Variants in TTLL5 observed in about 807,000 individuals in gnomAD.
TTLL5 encodes the protein tubulin tyrosine ligase like 5.
In TTLL5, 132 loss-of-function variants were observed where a neutral mutation model predicts 168.4. The ratio of observed to expected loss-of-function variants is 0.78; its 90% confidence interval spans 0.68 to 0.91. The LOEUF (loss-of-function observed/expected upper bound fraction) is 0.91, where lower values mean the gene tolerates loss of function less well. Among genes scored for constraint, TTLL5 ranks in the 40% least tolerant of loss-of-function variants. TTLL5 has a pLI of 0.00. For synonymous variants in TTLL5, 546 were observed against 558.6 expected (o/e 0.98, Z 0.32); for missense variants, 1,545 against 1,581.5 (o/e 0.98, Z 0.39).
intron 30 of TTLL5, among the ~76,000 whole-genome samples, chr14:75,895,658 T>TG (rs1218293474): frequency 3.3e-5 from 5 of 152,170 alleles, no homozygotes; most frequent in Admixed American, 3.3e-4. Flanking sequence ...ACATCAGATT[T>TG]GTGGAATAAC....
intron 27 of TTLL5, among the ~76,000 whole-genome samples, chr14:75,803,428 C>T (rs1016037754): frequency 6.6e-6 from 1 of 152,162 alleles, no homozygotes; most frequent in Non-Finnish European, 1.5e-5. Context: ...TAGCCTAAAA[C>T]ACATAAAAAT....
At chr14:75,811,440 C>G (rs536092145) in intron 27 of TTLL5, among the ~76,000 whole-genome samples, 1 of 152,186 alleles carries the variant, frequency 6.6e-6, no homozygotes, top group East Asian at 1.9e-4. Flanking sequence ...ATTTTTCTTT[C>G]CTCCTACCTA....
chr14:75,904,363 G>A (rs925480236), intron 31 of TTLL5: 1 of 679,072 alleles, frequency 1.5e-6, no homozygotes, highest in Non-Finnish European at 1.9e-6. Context: ...TACCCTATGA[G>A]AACCCCTTTG....
chr14:75,730,723 C>T (rs1446180941), intron 12 of TTLL5, among the ~76,000 whole-genome samples: 1 of 151,714 alleles, frequency 6.6e-6, no homozygotes, highest in Non-Finnish European at 1.5e-5. Flanking sequence ...CAACTAAGGT[C>T]TCTAGATTCC....
At chr14:75,751,951 C>T (rs1472362189) in intron 17 of TTLL5, among the ~76,000 whole-genome samples, 1 of 152,134 alleles carries the variant, frequency 6.6e-6, no homozygotes, top group Non-Finnish European at 1.5e-5. Flanking sequence ...GCTAAACAAT[C>T]AAGAAATAAG....
chr14:75,886,793 C>G (rs1415610850), intron 30 of TTLL5: 1 of 1,591,382 alleles, frequency 6.3e-7, no homozygotes, highest in East Asian at 2.2e-5. Flanking sequence ...CAACTACATG[C>G]ATCTGAACTG....
intron 29 of TTLL5, among the ~76,000 whole-genome samples, chr14:75,880,354 A>G (rs1047894570): frequency 2.0e-5 from 3 of 152,226 alleles, no homozygotes; most frequent in Non-Finnish European, 2.9e-5. Context: ...CATTTATTGA[A>G]TAGATGTTCT....
At chr14:75,871,666 G>A (rs565487518) in intron 29 of TTLL5, among the ~76,000 whole-genome samples, 59 of 152,068 alleles carry the variant, frequency 3.9e-4, no homozygotes, top group Middle Eastern at 3.4e-3. Flanking sequence ...CCCTCACTCC[G>A]TGGCCTGTGG....
At chr14:75,923,984 C>A (rs1361435456) in intron 31 of TTLL5, among the ~76,000 whole-genome samples, 1 of 150,190 alleles carries the variant, frequency 6.7e-6, no homozygotes, top group Non-Finnish European at 1.5e-5. Flanking sequence ...CTCTTTTGAT[C>A]TTTATTGGTT....
Position 75,800,385 on chromosome 14 carries a change from A to T in TTLL5, c.3171+7285A>T, listed in dbSNP as rs528570375. On this transcript the variant is annotated intron_variant, in intron 27 of 31. Coordinates refer to ENST00000298832, the MANE Select transcript of TTLL5 (RefSeq NM_015072.5). ...TTGGTCCATGTCCTGTATTATTATTATTTTTTTAGTTTCTTTAAATTGGTT... is the reference window on the plus strand; with the variant it reads ...TTGGTCCATGTCCTGTATTATTATTTTTTTTTTAGTTTCTTTAAATTGGTT... Among the ~76,000 whole-genome samples, 12 of 151,892 alleles carry T rather than the reference A, an allele frequency of 7.9e-5. 1 individual carries two copies. The South Asian group carries it at 1.9e-3, about 24-fold the overall frequency.
intron 18 of TTLL5, 64 bp downstream of exon 18, chr14:75,753,019 A>C (rs766756336): frequency 2.7e-5 from 41 of 1,502,078 alleles, no homozygotes; most frequent in Non-Finnish European, 3.6e-5. Flanking sequence ...GTACATGTCA[A>C]AGAAGGAAAC....
intron 27 of TTLL5, among the ~76,000 whole-genome samples, chr14:75,811,197 G>A (rs1389574413): frequency 1.5e-5 from 2 of 136,056 alleles, no homozygotes; most frequent in African/African-American, 5.1e-5. Context: ...GTATGTGTGT[G>A]TGTGTGTTTG....
intron 1 of TTLL5, among the ~76,000 whole-genome samples, chr14:75,662,753 G>A (rs542552207): frequency 3.1e-4 from 47 of 152,260 alleles, no homozygotes; most frequent in Admixed American, 1.1e-3. Flanking sequence ...CTGAGTGAAA[G>A]TGAGGAGTCT....
intron 31 of TTLL5, among the ~76,000 whole-genome samples, chr14:75,931,197 C>T (rs2034265854): frequency 6.6e-6 from 1 of 152,166 alleles, no homozygotes; most frequent in African/African-American, 2.4e-5. Flanking sequence ...TCACACGTCT[C>T]TTTGGATCCA....
intron 31 of TTLL5, among the ~76,000 whole-genome samples, chr14:75,939,791 G>A (rs936322497): frequency 4.6e-5 from 7 of 152,138 alleles, no homozygotes; most frequent in African/African-American, 1.7e-4. Flanking sequence ...CATTAATGCT[G>A]CATCTGCTAC....
intron 28 of TTLL5, among the ~76,000 whole-genome samples, chr14:75,831,532 G>T (rs1248925308): frequency 2.6e-5 from 4 of 152,038 alleles, no homozygotes; most frequent in Non-Finnish European, 5.9e-5. Context: ...ACCCCCACCT[G>T]CCTGGCTGGA....
intron 27 of TTLL5, among the ~76,000 whole-genome samples, chr14:75,805,888 T>A (rs534067025): frequency 1.3e-5 from 2 of 152,296 alleles, no homozygotes; most frequent in East Asian, 3.9e-4. Flanking sequence ...CTCTGATACC[T>A]ATCCTGTTTT....
intron 6 of TTLL5, among the ~76,000 whole-genome samples, chr14:75,691,287 C>A (rs938053731): frequency 1.3e-5 from 2 of 152,114 alleles, no homozygotes; most frequent in Non-Finnish European, 2.9e-5. Context: ...CAGGCAGAGG[C>A]GCTGGGCTGG....
chr14:75,882,129 A>G (rs2031849224), intron 29 of TTLL5, among the ~76,000 whole-genome samples: 1 of 152,134 alleles, frequency 6.6e-6, no homozygotes, highest in Non-Finnish European at 1.5e-5. Flanking sequence ...CTAGCCCTCA[A>G]GATTATAACC....
Sources: gnomAD v4.1 joint callset for allele counts (sites outside exome capture counted in the v4.1 genomes callset) on GRCh38, gnomAD v4.1.1 for gene constraint, MANE v1.5 for transcripts, NCBI Gene and HGNC (gene_info 2026-07-23, HGNC 2026-07-21) for gene names.